SV2C: variants seen among roughly 807,000 people sequenced by gnomAD.
The protein encoded by SV2C is synaptic vesicle glycoprotein 2C.
A neutral mutation model predicts 79.7 loss-of-function variants in SV2C; 49 were observed. The ratio of observed to expected loss-of-function variants is 0.61; its 90% CI spans 0.49 to 0.78. SV2C has a LOEUF of 0.78. SV2C is among the 30% of genes least tolerant of loss of function. The pLI, the probability that SV2C is intolerant of heterozygous loss-of-function variation, is 0.00. For synonymous variants in SV2C, 334 were observed against 333.2 expected (o/e 1.00, Z -0.03); for missense variants, 833 against 912.9 (o/e 0.91, Z 1.13).
intron 9 of SV2C, among the ~76,000 whole-genome samples, chr5:76,297,957 T>C (rs983545823): frequency 1.3e-5 from 2 of 152,168 alleles, no homozygotes; most frequent in African/African-American, 4.8e-5. Context: ...CCAGGACACG[T>C]TAATGAATAT....
intron 12 of SV2C, 28 bp downstream of exon 12, chr5:76,301,573 G>C: frequency 6.2e-7 from 1 of 1,606,562 alleles, no homozygotes; most frequent in South Asian, 1.1e-5. Context: ...TCTAGTAAGA[G>C]GCACTCTAAG....
the SV2C span, among the ~76,000 whole-genome samples, chr5:75,932,942 C>T: frequency 6.6e-5 from 10 of 152,162 alleles, no homozygotes; most frequent in Admixed American, 3.9e-4. Context: ...CATCATAATA[C>T]GCTGTATCAT....
chr5:76,028,254 T>A, the SV2C span, among the ~76,000 whole-genome samples: 1 of 152,220 alleles, frequency 6.6e-6, no homozygotes, highest in African/African-American at 2.4e-5. Context: ...AAATTTTTTT[T>A]ATGTATTTTG....
At chr5:76,236,017 C>A (rs1309206736) in intron 4 of SV2C, among the ~76,000 whole-genome samples, 1 of 152,098 alleles carries the variant, frequency 6.6e-6, no homozygotes, top group African/African-American at 2.4e-5. Context: ...TGTTTTCTTA[C>A]AAAGAAACTG....
At chr5:75,954,232 T>C in the SV2C span, among the ~76,000 whole-genome samples, 1 of 151,954 alleles carries the variant, frequency 6.6e-6, no homozygotes, top group Non-Finnish European at 1.5e-5. Context: ...AAAAGGACTA[T>C]GGAGTTGCAC....
At chr5:75,856,244 G>A in the SV2C span, among the ~76,000 whole-genome samples, 1 of 152,202 alleles carries the variant, frequency 6.6e-6, no homozygotes, top group Non-Finnish European at 1.5e-5. Flanking sequence ...AAACAGTGCT[G>A]CAACAGACAT....
chr5:76,113,407 A>G (rs1166433172), intron 1 of SV2C, among the ~76,000 whole-genome samples: 1 of 152,184 alleles, frequency 6.6e-6, no homozygotes, highest in Non-Finnish European at 1.5e-5. Context: ...GGTGCAAAAT[A>G]GCTGTGTGAA....
At chr5:75,979,035 T>G in the SV2C span, among the ~76,000 whole-genome samples, 3 of 151,942 alleles carry the variant, frequency 2.0e-5, no homozygotes, top group Admixed American at 2.0e-4. Flanking sequence ...AAAGAGATAG[T>G]GGAAAATCTA....
chr5:76,340,141 C>T (rs2112584521), intron 12 of SV2C, among the ~76,000 whole-genome samples: 1 of 152,320 alleles, frequency 6.6e-6, no homozygotes, highest in Non-Finnish European at 1.5e-5. Context: ...TTTACAAATG[C>T]AATGGCAATA....
chr5:76,191,311 G>A (rs1420403332), intron 2 of SV2C, among the ~76,000 whole-genome samples: 1 of 152,142 alleles, frequency 6.6e-6, no homozygotes, highest in Non-Finnish European at 1.5e-5. Context: ...GATTTGGGCA[G>A]GGACACAGAC....
At chr5:76,103,395 C>T (rs769996304) in intron 1 of SV2C, among the ~76,000 whole-genome samples, 14 of 152,082 alleles carry the variant, frequency 9.2e-5, no homozygotes, top group Admixed American at 7.9e-4. Context: ...TAGTATAATA[C>T]TGAAATTATC....
At position 76,250,673 on chromosome 5, in the gene SV2C, C is replaced by T. The variant is rs527981469; in HGVS notation, c.914-34489C>T. ...ATTGAGGTTGTCTGAGAAGGGTCTC[C>T]GCTCCTGGGTCAGCATTAGAAGCCT... On this transcript the variant is annotated intron_variant, in intron 4 of 12. Transcript: ENST00000502798. Among the ~76,000 whole-genome samples, 75 of 152,302 alleles carry T rather than the reference C, an allele frequency of 4.9e-4. 3 individuals are homozygous for T. The highest frequency in any genetic ancestry group is 4.4e-3 in the Admixed American group (67 of 15,302).
intron 1 of SV2C, among the ~76,000 whole-genome samples, chr5:76,120,227 T>A (rs1580280986): frequency 6.6e-6 from 1 of 151,716 alleles, no homozygotes; most frequent in Non-Finnish European, 1.5e-5. Flanking sequence ...ATGTAGCATC[T>A]CACAAACGTG....
chr5:76,171,870 C>G (rs1347070771), intron 2 of SV2C, among the ~76,000 whole-genome samples: 318 of 103,448 alleles, frequency 3.1e-3, no homozygotes, highest in African/African-American at 0.012. Flanking sequence ...CCAGCCACCC[C>G]GTCCGGGAGG....
chr5:76,142,332 AG>A (rs1749280482), intron 2 of SV2C, among the ~76,000 whole-genome samples: 1 of 152,222 alleles, frequency 6.6e-6, no homozygotes, highest in Admixed American at 6.5e-5. Flanking sequence ...TTTTACTGTA[AG>A]GAATTTGCTT....
the SV2C span, among the ~76,000 whole-genome samples, chr5:75,850,431 C>A: frequency 0.49 from 73,900 of 151,862 alleles, 18,488 homozygotes; most frequent in African/African-American, 0.6. Context: ...CTTTGAAACT[C>A]TAGCTTCTTA....
chr5:75,886,773 T>G, the SV2C span, among the ~76,000 whole-genome samples: 3 of 152,122 alleles, frequency 2.0e-5, no homozygotes, highest in African/African-American at 7.2e-5. Flanking sequence ...TGGTTCTCTT[T>G]GAGACTTTGA....
At chr5:76,339,271 A>G (rs1252111806) in intron 12 of SV2C, among the ~76,000 whole-genome samples, 1 of 152,248 alleles carries the variant, frequency 6.6e-6, no homozygotes, top group African/African-American at 2.4e-5. Context: ...ACACATTTCT[A>G]TAAATTATTT....
chr5:76,192,463 C>CAG (rs1208521448), intron 2 of SV2C, among the ~76,000 whole-genome samples: 1 of 152,140 alleles, frequency 6.6e-6, no homozygotes, highest in African/African-American at 2.4e-5. Flanking sequence ...TCTCAAGGCA[C>CAG]AGAGAGAGAG....
Sources: allele counts gnomAD v4.1 joint callset (sites outside exome capture counted in the v4.1 genomes callset), GRCh38; gene constraint gnomAD v4.1.1; transcripts MANE v1.5; gene names NCBI Gene and HGNC (gene_info 2026-07-23, HGNC 2026-07-21).